The following ATP2B4 variants were observed in gnomAD, a reference collection of about 807,000 sequenced individuals.
The protein encoded by ATP2B4 is ATPase plasma membrane Ca2+ transporting 4, also known as plasma membrane calcium-transporting ATPase 4.
A neutral mutation model predicts 110.3 loss-of-function variants in ATP2B4; 39 were observed. The ratio of observed to expected loss-of-function variants is 0.35; its 90% CI spans 0.27 to 0.46. ATP2B4 has a LOEUF of 0.46. Ranked by LOEUF, ATP2B4 falls within the 20% of genes least tolerant of loss-of-function variation. The probability of loss-of-function intolerance (pLI) is 1.00; values close to 1 mark genes in which losing one functional copy is unlikely to be tolerated. For missense variants in ATP2B4, 1,135 were observed against 1,530.9 expected, an observed-to-expected ratio of 0.74 and a Z score of 4.32; for synonymous variants, 538 against 571.7, an observed-to-expected ratio of 0.94 and a Z score of 0.84.
intron 1 of ATP2B4, among the ~76,000 whole-genome samples, chr1:203,659,146 T>C (rs1184234571): frequency 1.3e-5 from 2 of 152,104 alleles, no homozygotes; most frequent in Non-Finnish European, 2.9e-5. Context: ...AAAAACTTGG[T>C]ATAATATAAC....
intron 1 of ATP2B4, among the ~76,000 whole-genome samples, chr1:203,635,894 G>C (rs988887254): frequency 4.6e-5 from 7 of 152,202 alleles, no homozygotes; most frequent in Non-Finnish European, 8.8e-5. Flanking sequence ...TTCTAAGAAA[G>C]TAAGGTCCTT....
chr1:203,685,830 CTTATAA>C (rs1450805091), intron 2 of ATP2B4, among the ~76,000 whole-genome samples: 4 of 152,106 alleles, frequency 2.6e-5, no homozygotes, highest in Admixed American at 6.5e-5. Flanking sequence ...AGTGCTCATA[CTTATAA>C]TTAGGTGTTC....
At chr1:203,670,394 G>GTC (rs1664626177) in intron 1 of ATP2B4, among the ~76,000 whole-genome samples, 1 of 152,128 alleles carries the variant, frequency 6.6e-6, no homozygotes, top group African/African-American at 2.4e-5. Context: ...GGCCAGACTG[G>GTC]TCTCTAACTC....
chr1:203,662,315 C>T (rs1055244047), intron 1 of ATP2B4, among the ~76,000 whole-genome samples: 3 of 152,124 alleles, frequency 2.0e-5, no homozygotes, highest in Admixed American at 6.6e-5. Flanking sequence ...CATGAGCCAC[C>T]GCTCCCAGCT....
At chr1:203,645,323 T>C (rs548939407) in intron 1 of ATP2B4, among the ~76,000 whole-genome samples, 2 of 152,300 alleles carry the variant, frequency 1.3e-5, no homozygotes, top group Middle Eastern at 3.4e-3. Context: ...ACACTGCCTC[T>C]CTAATGCCCT....
chr1:203,689,112 G>T (rs1665291891), intron 2 of ATP2B4, among the ~76,000 whole-genome samples: 1 of 152,208 alleles, frequency 6.6e-6, no homozygotes, highest in Admixed American at 6.5e-5. Flanking sequence ...GGTTGGTATA[G>T]GCTAGAAGAT....
chr1:203,722,403 T>C, intron 17 of ATP2B4, 75 bp from the exon 18 acceptor site: 1 of 1,166,006 alleles, frequency 8.6e-7, no homozygotes, highest in Non-Finnish European at 1.3e-6. Flanking sequence ...AAGCAAGCAG[T>C]ATATCTGTAC....
chr1:203,729,460 G>T (rs1286200255), intron 20 of ATP2B4: 1 of 360,646 alleles, frequency 2.8e-6, no homozygotes, highest in South Asian at 2.1e-5. Context: ...CAGGAGAATC[G>T]CTTGAACCCG....
intron 1 of ATP2B4, among the ~76,000 whole-genome samples, chr1:203,633,514 A>G (rs1254165763): frequency 1.3e-5 from 2 of 152,164 alleles, no homozygotes; most frequent in African/African-American, 4.8e-5. Context: ...CTGTAATCCC[A>G]GCACTTTGGG....
chr1:203,687,312 G>A (rs1665227270), intron 2 of ATP2B4, among the ~76,000 whole-genome samples: 2 of 152,018 alleles, frequency 1.3e-5, no homozygotes, highest in South Asian at 2.1e-4. Context: ...AAAAAGAAAA[G>A]AAAAGAAGAT....
chr1:203,719,225 GAAA>G lies in ATP2B4; in HGVS notation c.2407-1306_2407-1304del, dbSNP rs60841821. ...AGATGACAGAGCAAGACCCTGTCTC[GAAA>G]AAAAAAAAAAAAAAAAAGCAAGAGA... On this transcript the variant is annotated intron_variant, in intron 15 of 20. Coordinates refer to ENST00000357681, the MANE Select transcript of ATP2B4 (RefSeq NM_001684.5). Among the ~76,000 whole-genome samples the G allele has an allele frequency of 6.4e-4, 35 of 54,398 alleles. 1 individual carries two copies. The highest frequency in any genetic ancestry group is 2.5e-3 in the African/African-American group (33 of 13,314). The allele number at this position is 54,398 out of a possible 152,430, so 35.7% of individuals were successfully genotyped here.
At chr1:203,688,918 G>T (rs1665285576) in intron 2 of ATP2B4, among the ~76,000 whole-genome samples, 1 of 152,174 alleles carries the variant, frequency 6.6e-6, no homozygotes, top group Non-Finnish European at 1.5e-5. Context: ...GAGCTCCTGG[G>T]CAAGCTGTGT....
Position 203,683,059 on chromosome 1 carries a change from A to C in ATP2B4, c.-147A>C, listed in dbSNP as rs1168950359. On this transcript the variant is annotated 5_prime_UTR_variant, in exon 2 of 21. Coordinates refer to ENST00000357681, the MANE Select transcript of ATP2B4 (RefSeq NM_001684.5). ...GGACGGCTACTCGGGAGCTTATTGC[A>C]CAAGATATATTCAATCTATTCCCTC... 2 of 854,388 alleles carry C rather than the reference A, an allele frequency of 2.3e-6. No individual in the cohort carries two copies. The highest frequency in any genetic ancestry group is 3.4e-5 in the African/African-American group (2 of 59,146). The allele number at this position is 854,388 out of a possible 1,614,324, so 52.9% of individuals were successfully genotyped here.
intron 1 of ATP2B4, among the ~76,000 whole-genome samples, chr1:203,650,485 A>C (rs1305962610): frequency 6.6e-6 from 1 of 152,156 alleles, no homozygotes; most frequent in East Asian, 1.9e-4. Context: ...GGCCCGCCTT[A>C]TTTGGGGCTT....
intron 1 of ATP2B4, among the ~76,000 whole-genome samples, chr1:203,633,496 G>T (rs1663339303): frequency 6.6e-6 from 1 of 152,154 alleles, no homozygotes; most frequent in Non-Finnish European, 1.5e-5. Context: ...GGGCGCAGTG[G>T]CTCATACCTG....
In ATP2B4 at chr1:203,683,331, C is replaced by T. The variant is rs1323838928; in HGVS notation, c.126C>T (p.Thr42=). ...LMELRSRDAL[T]QINVHYGGVQ... ...AGCTGCGTTCAAGGGATGCACTGAC[C>T]CAGATTAATGTCCACTATGGAGGTG... is the stretch of plus-strand genomic sequence containing the variant. Residue 42 remains threonine, a synonymous_variant, in exon 2 of 21, where the codon ACC becomes ACT. Transcript: ENST00000357681. 1.2e-6 allele frequency: 2 copies of T among 1,614,156 alleles called. No individual in the cohort carries two copies. Among genetic ancestry groups the T allele is most frequent in the Non-Finnish European group, 1.7e-6 (2 of 1,180,020 alleles).
intron 1 of ATP2B4, among the ~76,000 whole-genome samples, chr1:203,642,259 A>T (rs886354522): frequency 3.3e-5 from 5 of 151,748 alleles, no homozygotes; most frequent in East Asian, 1.9e-4. Context: ...TTAAAAAAAA[A>T]TTTTTTTTAG....
rs567260885 is a variant in ATP2B4, at chr1:203,670,878, G to A, written c.-464-11864G>A. On this transcript the variant is annotated intron_variant, in intron 1 of 20. Transcript: ENST00000357681. ...CCTTCTCCTGCCCTCTCTCCTCCCC[G>A]TGGGGAGTGTTCTCATCTATATCCT... Among the ~76,000 whole-genome samples the A allele has an allele frequency of 1.6e-4, 24 of 152,288 alleles. No individual in the cohort carries two copies. The South Asian group carries it at 4.4e-3, about 28-fold the overall frequency.
At chr1:203,736,599 C>T (rs1018521825) in intron 20 of ATP2B4, among the ~76,000 whole-genome samples, 2 of 152,196 alleles carry the variant, frequency 1.3e-5, no homozygotes, top group Non-Finnish European at 2.9e-5. Context: ...AGTTGCCCTT[C>T]AACCAGCCAC....
Sources: allele counts gnomAD v4.1 joint callset (sites outside exome capture counted in the v4.1 genomes callset), GRCh38; gene constraint gnomAD v4.1.1; transcripts MANE v1.5; gene names NCBI Gene and HGNC (gene_info 2026-07-23, HGNC 2026-07-21).